The following DDX31 variants were observed in gnomAD, a reference collection of about 807,000 sequenced individuals.
DDX31 encodes ATP-dependent DNA helicase DDX31.
DDX31 carries 70 observed loss-of-function variants against 91.3 expected under a neutral mutation model. That is an observed-to-expected ratio of 0.77 (90% CI 0.63 to 0.94). The LOEUF (loss-of-function observed/expected upper bound fraction) is 0.94. DDX31 is among the 40% of genes least tolerant of loss of function. The pLI, the probability that DDX31 is intolerant of heterozygous loss-of-function variation, is 0.00. For missense variants in DDX31, 902 were observed against 925.0 expected (o/e 0.98, Z 0.32); for synonymous variants, 362 against 350.6 (o/e 1.03, Z -0.36).
chr9:132,640,058 A>G (rs866094858), intron 14 of DDX31, among the ~76,000 whole-genome samples: 1 of 152,222 alleles, frequency 6.6e-6, no homozygotes, highest in Admixed American at 6.5e-5. Flanking sequence ...CGCCTACTGC[A>G]TGCCTGCTCT....
At chr9:132,613,476 C>G (rs112994857) in intron 18 of DDX31, among the ~76,000 whole-genome samples, 3 of 151,986 alleles carry the variant, frequency 2.0e-5, no homozygotes, top group Non-Finnish European at 4.4e-5. Flanking sequence ...GGGGGATCAC[C>G]TGAGGTCAGG....
At chr9:132,661,402 A>G in intron 3 of DDX31, 151 bp from the exon 4 acceptor site, 1 of 701,568 alleles carries the variant, frequency 1.4e-6, no homozygotes, top group East Asian at 2.7e-5. Context: ...ACTTGGGGCG[A>G]TTCTGCCACC....
At chr9:132,663,996 G>T (rs866025354) in intron 1 of DDX31, among the ~76,000 whole-genome samples, 1 of 152,022 alleles carries the variant, frequency 6.6e-6, no homozygotes, top group Non-Finnish European at 1.5e-5. Context: ...ACTCTTAAAG[G>T]CCACTCCCGC....
intron 16 of DDX31, among the ~76,000 whole-genome samples, chr9:132,627,816 G>C (rs575485629): frequency 6.6e-6 from 1 of 152,262 alleles, no homozygotes; most frequent in East Asian, 1.9e-4. Flanking sequence ...CCTTGCTGCC[G>C]AGAGCCTCGG....
intron 17 of DDX31, among the ~76,000 whole-genome samples, chr9:132,624,856 G>T (rs1222512311): frequency 6.6e-6 from 1 of 152,194 alleles, no homozygotes; most frequent in East Asian, 1.9e-4. Flanking sequence ...TCCCTGCTCA[G>T]GGAGAATAAT....
Position 132,645,909 on chromosome 9 carries a change from C to T in DDX31, c.1366G>A (p.Gly456Ser), listed in dbSNP as rs143945095. The T allele has an allele frequency of 2.7e-5, 43 of 1,612,774 alleles. No individual in the cohort carries two copies. Among genetic ancestry groups the T allele is most frequent in the East Asian group, 4.5e-5 (2 of 44,866 alleles). The stretch of plus-strand genomic sequence containing the variant: ...TCAGTGCTCACCTCCTGCTCCATGC[C>T]GCCATGCAGCCGTAGGAATTTTAAT... ...MRLKFLRLHG[G>S]MEQEERTAVF... Residue 456 changes from glycine (G) to serine (S), a missense_variant, in exon 13 of 20, where the codon GGC (glycine) becomes AGC (serine). By Grantham distance (56) the Gly-to-Ser change is moderately conservative (BLOSUM62 0). Transcript: ENST00000372159.
At chr9:132,624,800 C>T (rs1223363037) in intron 17 of DDX31, among the ~76,000 whole-genome samples, 1 of 152,206 alleles carries the variant, frequency 6.6e-6, no homozygotes, top group African/African-American at 2.4e-5. Context: ...CTTAGATGCT[C>T]TCTAAAACAA....
At chr9:132,664,716 CAAAA>C (rs10668095) in intron 1 of DDX31, among the ~76,000 whole-genome samples, 5 of 97,424 alleles carry the variant, frequency 5.1e-5, no homozygotes, top group African/African-American at 1.2e-4. Context: ...GACCCTCGCT[CAAAA>C]AAAAAAAAAA....
chr9:132,611,630 G>A (rs533770858), intron 19 of DDX31, among the ~76,000 whole-genome samples: 25 of 152,044 alleles, frequency 1.6e-4, no homozygotes, highest in Non-Finnish European at 2.9e-4. Context: ...GCCTTGATGA[G>A]CGCTCACCAC....
chr9:132,621,993 TA>T (rs11306949), intron 17 of DDX31, among the ~76,000 whole-genome samples: 47,191 of 143,426 alleles, frequency 0.33, 7,916 homozygotes, highest in Middle Eastern at 0.43. Flanking sequence ...CAGCTTTTCT[TA>T]AAAAAAAAAA....
chr9:132,630,952 C>G (rs1832680370), intron 15 of DDX31, among the ~76,000 whole-genome samples: 1 of 152,238 alleles, frequency 6.6e-6, no homozygotes, highest in Non-Finnish European at 1.5e-5. Context: ...CAGCCCCACT[C>G]AGTCCTTCAG....
At chr9:132,598,030 T>C (rs1830532094) in intron 19 of DDX31, among the ~76,000 whole-genome samples, 1 of 152,144 alleles carries the variant, frequency 6.6e-6, no homozygotes, top group Non-Finnish European at 1.5e-5. Context: ...AAGCCAGCAG[T>C]CCACTCACTC....
chr9:132,641,898 T>G (rs1411736450), intron 14 of DDX31, 106 bp downstream of exon 14: 5 of 1,175,256 alleles, frequency 4.3e-6, no homozygotes, highest in Non-Finnish European at 5.0e-6. Context: ...CTAGTGTTCC[T>G]GGGCCCTGTA....
chr9:132,653,859 A>T (rs1469731833), intron 6 of DDX31, among the ~76,000 whole-genome samples: 1 of 152,084 alleles, frequency 6.6e-6, no homozygotes, highest in East Asian at 1.9e-4. Context: ...ATGTACAAAA[A>T]TAACCAAGAC....
chr9:132,597,612 T>C (rs1013228785), intron 19 of DDX31, among the ~76,000 whole-genome samples: 23 of 152,218 alleles, frequency 1.5e-4, no homozygotes, highest in African/African-American at 5.1e-4. Flanking sequence ...CTGGAGTGAC[T>C]GATACACTAA....
rs1279893661 is a variant in DDX31, at chr9:132,598,559, A to G, written c.1995-3447T>C. The stretch of plus-strand genomic sequence containing the variant: ...TGCACCACCAATAAGGTGAAATCAC[A>G]GCCTAATTAGTAAATCAATATACCC... On this transcript the variant is annotated intron_variant, in intron 19 of 19. Coordinates refer to ENST00000372159, the MANE Select transcript of DDX31 (RefSeq NM_022779.9). 4.6e-5 allele frequency among the ~76,000 whole-genome samples: 7 copies of G among 152,330 alleles called. No homozygotes were observed. In the East Asian group the frequency reaches 1.2e-3, roughly 25 times the overall value.
chr9:132,669,470 TAAA>T (rs58679432), intron 1 of DDX31: 2 of 669,736 alleles, frequency 3.0e-6, no homozygotes, highest in Non-Finnish European at 4.3e-6. Context: ...GTGGGCAAGA[TAAA>T]AAAAAAAATC....
chr9:132,661,983 T>G (rs527878790), intron 3 of DDX31, among the ~76,000 whole-genome samples: 12 of 152,132 alleles, frequency 7.9e-5, no homozygotes, highest in Non-Finnish European at 1.6e-4. Flanking sequence ...CTAAATCACG[T>G]TAGTCGAGGA....
intron 18 of DDX31, among the ~76,000 whole-genome samples, chr9:132,617,434 A>C (rs1325513420): frequency 6.6e-6 from 1 of 152,026 alleles, no homozygotes; most frequent in Non-Finnish European, 1.5e-5. Context: ...TTCACAAAGC[A>C]AGGATTTTTG....
Sources: gnomAD v4.1 joint callset for allele counts (sites outside exome capture counted in the v4.1 genomes callset) on GRCh38, gnomAD v4.1.1 for gene constraint, MANE v1.5 for transcripts, NCBI Gene and HGNC (gene_info 2026-07-23, HGNC 2026-07-21) for gene names.